ABCB9: variants seen among roughly 807,000 people sequenced by gnomAD.
ABCB9 encodes ABC-type oligopeptide transporter ABCB9.
ABCB9 carries 36 observed loss-of-function variants against 62.0 expected under a neutral mutation model. The ratio of observed to expected loss-of-function variants is 0.58; its 90% CI spans 0.45 to 0.77. The LOEUF (loss-of-function observed/expected upper bound fraction) is 0.77. ABCB9 is among the 30% of genes least tolerant of loss of function. ABCB9 has a pLI of 0.00. For synonymous variants in ABCB9, 435 were observed against 461.4 expected (o/e 0.94, Z 0.73); for missense variants, 943 against 1,054.7 (o/e 0.89, Z 1.47).
chr12:122,972,305 G>A (rs1164840940), intron 1 of ABCB9, among the ~76,000 whole-genome samples: 1 of 151,824 alleles, frequency 6.6e-6, no homozygotes, highest in Non-Finnish European at 1.5e-5. Context: ...AAGCCATGGC[G>A]CCTGGCCTCA....
intron 4 of ABCB9, chr12:122,949,114 T>C (rs2036215842): frequency 7.2e-6 from 2 of 278,176 alleles, no homozygotes; most frequent in African/African-American, 2.2e-5. Flanking sequence ...TGTCCGTGAC[T>C]GAGCCAGACT....
chr12:122,933,658 ATATT>A (rs1480782594), intron 10 of ABCB9, among the ~76,000 whole-genome samples: 1 of 152,070 alleles, frequency 6.6e-6, no homozygotes, highest in Non-Finnish European at 1.5e-5. Context: ...AAAATAATAT[ATATT>A]TATTATATCA....
chr12:122,932,285 C>A lies in ABCB9; in HGVS notation c.1947G>T (p.Gln649His), dbSNP rs1463718837. Residue 649 changes from glutamine (Q) to histidine (H), a missense_variant, in exon 11 of 12, where the codon CAG becomes CAT. Gln to His is a conservative substitution (Grantham distance 24). Coordinates refer to ENST00000280560, the MANE Select transcript of ABCB9 (RefSeq NM_019625.4). This position sits in a 1 kb window ranked among gnomAD's most constrained non-coding sequence, Gnocchi z 4.7. ...KGAQLSGGQKQRVAMARALVR... is the reference protein window; with the variant it reads ...KGAQLSGGQKHRVAMARALVR... ...CCAGAGCCCGGGCCATGGCCACCCG[C>A]TGCTTCTGGCCACCTGACAGCTGGG... is the stretch of plus-strand genomic sequence containing the variant. 4.5e-6 allele frequency: 7 copies of A among 1,551,284 alleles called. No homozygotes were observed. Among genetic ancestry groups the A allele is most frequent in the Non-Finnish European group, 8.7e-7 (1 of 1,147,102 alleles).
chr12:122,945,405 C>T (rs895236130), intron 6 of ABCB9, among the ~76,000 whole-genome samples: 11 of 152,228 alleles, frequency 7.2e-5, no homozygotes, highest in Middle Eastern at 3.4e-3. Flanking sequence ...GACGCACTCC[C>T]GGGAGTGTGC....
Position 122,940,856 on chromosome 12 carries a change from T to A in ABCB9, c.1520A>T (p.Glu507Val). The change falls in exon 8 of 12, where the codon GAG (glutamate) becomes GTG (valine). Residue 507 changes from glutamate (E) to valine (V), a missense_variant. Coordinates refer to ENST00000280560, the MANE Select transcript of ABCB9 (RefSeq NM_019625.4). This position sits in a 1 kb window ranked among gnomAD's most constrained non-coding sequence, Gnocchi z 4.8. ...PDHLEGRVDF[E>V]NVTFTYRTRP... is the part of the protein sequence containing the mutation. ...AGTGCGGTAGGTGAAGGTCACATTC[T>A]CAAAGTCCACCCGGCCCTCCAGGTG... is the stretch of plus-strand genomic sequence containing the variant. 1 of 1,611,516 alleles carries A rather than the reference T, an allele frequency of 6.2e-7. No individual in the cohort carries two copies. Among genetic ancestry groups the A allele is most frequent in the Non-Finnish European group, 8.5e-7 (1 of 1,178,572 alleles).
chr12:122,932,776 C>A lies in ABCB9; in HGVS notation c.1904-448G>T, dbSNP rs557754721. On this transcript the variant is annotated intron_variant, in intron 10 of 11. Coordinates refer to ENST00000280560, the MANE Select transcript of ABCB9 (RefSeq NM_019625.4). This position sits in a 1 kb window ranked among gnomAD's most constrained non-coding sequence, Gnocchi z 4.7. ...ACCTGGACCAATTTTCCCCATGGAC[C>A]GACTTCCTCCCATGCACAACAATAT... Among the ~76,000 whole-genome samples the A allele has an allele frequency of 3.2e-4, 49 of 152,258 alleles. No homozygotes were observed. Among genetic ancestry groups the A allele is most frequent in the Admixed American group, 7.2e-4 (11 of 15,280 alleles).
upstream of ABCB9, among the ~76,000 whole-genome samples, chr12:122,969,174 A>ACC (rs56058123): frequency 2.9e-5 from 4 of 138,468 alleles, no homozygotes; most frequent in South Asian, 2.4e-4. Flanking sequence ...CATCCTTTCC[A>ACC]CCCCCCCCCC....
intron 10 of ABCB9, 133 bp downstream of exon 10, chr12:122,935,139 C>T: frequency 8.8e-7 from 1 of 1,137,054 alleles, no homozygotes; most frequent in Non-Finnish European, 1.2e-6. Context: ...TCGAGTCTGG[C>T]CAGGGTAACG....
chr12:122,967,560 C>T (rs2037213703), upstream of ABCB9, among the ~76,000 whole-genome samples: 1 of 152,216 alleles, frequency 6.6e-6, no homozygotes, highest in Admixed American at 6.5e-5. Flanking sequence ...GAGTTCTCAG[C>T]TCACTGCAGC....
chr12:122,932,334 T>C lies in ABCB9; in HGVS notation c.1904-6A>G, dbSNP rs936027710. The stretch of plus-strand genomic sequence containing the variant: ...GGCGCCCTTCTCCCCTGTCTCTGTA[T>C]GGTGGAGGCACAGAGACAATTTAGC... On this transcript the variant is annotated splice_polypyrimidine_tract_variant and splice_region_variant and intron_variant, in intron 10 of 11. Transcript: ENST00000280560. This position sits in a 1 kb window ranked among gnomAD's most constrained non-coding sequence, Gnocchi z 4.7. 6 of 1,548,650 alleles carry C rather than the reference T, an allele frequency of 3.9e-6. No individual in the cohort carries two copies. The highest frequency in any genetic ancestry group is 5.2e-6 in the Non-Finnish European group (6 of 1,145,230).
At chr12:122,924,483 G>C, downstream of ABCB9, 1 of 674,246 alleles carries the variant, frequency 1.5e-6, no homozygotes, top group East Asian at 5.5e-5. Flanking sequence ...TCCCACCTAA[G>C]CCTCCCGAGT....
At chr12:122,957,699 G>GTT (rs532994359) in intron 2 of ABCB9, among the ~76,000 whole-genome samples, 7 of 125,186 alleles carry the variant, frequency 5.6e-5, no homozygotes, top group Non-Finnish European at 8.7e-5. Flanking sequence ...ACTGCTGAGA[G>GTT]TTTTTTTTTT....
chr12:122,948,903 C>A, intron 4 of ABCB9, 74 bp from the exon 5 acceptor site: 1 of 1,335,366 alleles, frequency 7.5e-7, no homozygotes, highest in Non-Finnish European at 9.9e-7. Flanking sequence ...TGCTAAGGGG[C>A]CTCTGAGACA....
intron 11 of ABCB9, chr12:122,931,205 A>C (rs2035139084): frequency 6.6e-6 from 1 of 151,754 alleles, no homozygotes; most frequent in Admixed American, 6.6e-5. Context: ...TTGTATTTTT[A>C]GTAGAGATGG....
intron 1 of ABCB9, among the ~76,000 whole-genome samples, chr12:122,962,710 A>G (rs1367796345): frequency 6.6e-6 from 1 of 152,176 alleles, no homozygotes; most frequent in African/African-American, 2.4e-5. Context: ...CAGTTGTCTA[A>G]TAACTACAAG....
At chr12:122,971,851 G>C (rs897196306) in intron 1 of ABCB9, among the ~76,000 whole-genome samples, 1 of 151,984 alleles carries the variant, frequency 6.6e-6, no homozygotes. Context: ...GTACTGGCTC[G>C]TGTGGGATGG....
intron 11 of ABCB9, among the ~76,000 whole-genome samples, chr12:122,923,195 C>T (rs887884004): frequency 6.6e-6 from 1 of 152,186 alleles, no homozygotes; most frequent in African/African-American, 2.4e-5. Context: ...CTCAACCTCC[C>T]AGGCTCAAGC....
chr12:122,968,560 C>T (rs1232357980), upstream of ABCB9, among the ~76,000 whole-genome samples: 3 of 150,844 alleles, frequency 2.0e-5, no homozygotes, highest in African/African-American at 2.4e-5. Context: ...GGCCTCATCA[C>T]ATGCTATTTC....
chr12:122,956,158 G>C (rs933632476), intron 2 of ABCB9, among the ~76,000 whole-genome samples: 7 of 152,212 alleles, frequency 4.6e-5, no homozygotes, highest in Non-Finnish European at 8.8e-5. Context: ...TTAATGGGAA[G>C]GGGTCATCCC....
Sources: allele counts gnomAD v4.1 joint callset (sites outside exome capture counted in the v4.1 genomes callset), GRCh38; gene constraint gnomAD v4.1.1; non-coding constraint Gnocchi (gnomAD v3.1); transcripts MANE v1.5; gene names NCBI Gene and HGNC (gene_info 2026-07-23, HGNC 2026-07-21).